Variants in TMC7 observed in about 807,000 individuals in gnomAD.
The protein encoded by TMC7 is transmembrane channel-like protein 7.
In TMC7, 54 loss-of-function variants were observed where a neutral mutation model predicts 82.9. That is an observed-to-expected ratio of 0.65 (90% confidence interval 0.52 to 0.82). TMC7 has a LOEUF of 0.82. Among genes scored for constraint, TMC7 ranks in the 40% least tolerant of loss-of-function variants. TMC7 has a pLI of 0.00. For missense variants in TMC7, 820 were observed against 901.2 expected (o/e 0.91, Z 1.15); for synonymous variants, 350 against 337.9 (o/e 1.04, Z -0.39).
At chr16:19,002,738 T>C (rs1444139495) in intron 1 of TMC7, among the ~76,000 whole-genome samples, 1 of 152,168 alleles carries the variant, frequency 6.6e-6, no homozygotes, top group African/African-American at 2.4e-5. Context: ...ACCAAGAAGT[T>C]CTAGGCATTC....
intron 9 of TMC7, among the ~76,000 whole-genome samples, chr16:19,042,376 C>T (rs554591764): frequency 1.3e-5 from 2 of 151,926 alleles, no homozygotes; most frequent in Non-Finnish European, 2.9e-5. Context: ...GATCTCCTCA[C>T]GTTGCCCAGG....
At chr16:18,988,916 G>A (rs1027169241) in intron 1 of TMC7, among the ~76,000 whole-genome samples, 3 of 152,090 alleles carry the variant, frequency 2.0e-5, no homozygotes, top group South Asian at 2.1e-4. Flanking sequence ...TGAGTGTGGT[G>A]GCACATGCCT....
At chr16:19,007,768 A>T (rs2142166526) in intron 1 of TMC7, among the ~76,000 whole-genome samples, 1 of 150,996 alleles carries the variant, frequency 6.6e-6, no homozygotes, top group East Asian at 1.9e-4. Context: ...CTGTCCCCTG[A>T]CACCACTCTG....
rs766624691 is a variant in TMC7 at position 19,047,194 on chromosome 16, C to T, written c.1685C>T (p.Pro562Leu). 6.2e-7 allele frequency: 1 copy of T among 1,613,856 alleles called. No individual in the cohort carries two copies. Among genetic ancestry groups the T allele is most frequent in the East Asian group, 2.2e-5 (1 of 44,838 alleles). The stretch of plus-strand genomic sequence containing the variant: ...TGCTGGATCGGAGCCTTTTTCTCAC[C>T]CCTTCTCCCTGCAATTGCAACCCTG... The part of the protein sequence containing the change: ...TICWIGAFFS[P>L]LLPAIATLKF... The change falls in exon 12 of 16, where the codon CCC becomes CTC. Residue 562 changes from proline (P) to leucine (L), a missense_variant. Pro to Leu is a moderately conservative substitution (Grantham distance 98). Transcript: ENST00000304381.
chr16:19,029,160 C>A (rs958037592), intron 5 of TMC7, among the ~76,000 whole-genome samples: 1 of 151,628 alleles, frequency 6.6e-6, no homozygotes, highest in East Asian at 2.0e-4. Context: ...CGCCCGCCAC[C>A]ACACCCGGCT....
chr16:18,991,101 G>C (rs1377375109), intron 1 of TMC7, among the ~76,000 whole-genome samples: 2 of 152,138 alleles, frequency 1.3e-5, no homozygotes, highest in Admixed American at 1.3e-4. Context: ...GGGCTGCTTC[G>C]AGCGGGACTA....
chr16:18,992,884 G>T (rs2142123654), intron 1 of TMC7, among the ~76,000 whole-genome samples: 2 of 152,252 alleles, frequency 1.3e-5, no homozygotes, highest in East Asian at 3.9e-4. Context: ...TTATTGTTAG[G>T]TTTGTCAAAG....
intron 5 of TMC7, among the ~76,000 whole-genome samples, chr16:19,023,852 A>T (rs747530171): frequency 1.8e-4 from 28 of 152,244 alleles, no homozygotes; most frequent in Non-Finnish European, 3.2e-4. Flanking sequence ...AATTTCTCTG[A>T]CACCGATAAA....
At chr16:18,986,871 C>T (rs1447386536) in intron 1 of TMC7, among the ~76,000 whole-genome samples, 2 of 151,858 alleles carry the variant, frequency 1.3e-5, no homozygotes, top group Non-Finnish European at 2.9e-5. Flanking sequence ...GTGGCGCGAT[C>T]TCGGCTCACT....
chr16:18,990,021 T>C (rs937793173), intron 1 of TMC7, among the ~76,000 whole-genome samples: 3 of 151,788 alleles, frequency 2.0e-5, no homozygotes, highest in Non-Finnish European at 4.4e-5. Context: ...CATTAGTTCT[T>C]ATAGGTTTTG....
At chr16:19,017,234 T>A (rs1959737431) in intron 3 of TMC7, among the ~76,000 whole-genome samples, 2 of 151,950 alleles carry the variant, frequency 1.3e-5, no homozygotes, top group African/African-American at 2.4e-5. Context: ...GGTTATTCTA[T>A]CACACATATT....
chr16:18,988,144 T>A (rs1596709318), intron 1 of TMC7, among the ~76,000 whole-genome samples: 2 of 149,308 alleles, frequency 1.3e-5, no homozygotes, highest in Admixed American at 1.3e-4. Flanking sequence ...AATTTTCTTT[T>A]CTTCTCTCTT....
At chr16:19,018,109 G>T (rs938466211) in intron 3 of TMC7, among the ~76,000 whole-genome samples, 1 of 152,192 alleles carries the variant, frequency 6.6e-6, no homozygotes, top group Non-Finnish European at 1.5e-5. Context: ...TTGCACTCCA[G>T]CCTGGGTAAC....
Position 19,045,335 on chromosome 16 carries a change from T to C in TMC7, c.1456-6T>C. ...TTTCAGTTTCCCTCACTCTCTTTGA[T>C]TTCAGTGCTGGGAGACCCAAGTTGG... On this transcript the variant is annotated splice_region_variant and splice_polypyrimidine_tract_variant and intron_variant, in intron 10 of 15. Coordinates refer to ENST00000304381, the MANE Select transcript of TMC7 (RefSeq NM_024847.4). 1 of 1,612,384 alleles carries C rather than the reference T, an allele frequency of 6.2e-7. No homozygotes were observed. Among genetic ancestry groups the C allele is most frequent in the Non-Finnish European group, 8.5e-7 (1 of 1,178,390 alleles).
intron 15 of TMC7, among the ~76,000 whole-genome samples, chr16:19,061,145 A>T (rs1244828202): frequency 6.6e-6 from 1 of 152,132 alleles, no homozygotes; most frequent in Non-Finnish European, 1.5e-5. Context: ...ATGGGATTAC[A>T]GGCACCTGCC....
In TMC7 at chr16:19,012,788, CAAAAAAAAAAAAA is replaced by C. The variant is rs139163132; in HGVS notation, c.311+3391_311+3403del. 3.2e-4 allele frequency among the ~76,000 whole-genome samples: 21 copies of C among 66,636 alleles called. 1 individual carries two copies. The East Asian group carries it at 6.3e-3, about 20-fold the overall frequency. 43.7% of individuals were successfully genotyped at this position (66,636 alleles called of 152,430 possible). ...TGGGCGACAGAGTGAGATTCCATCT[CAAAAAAAAAAAAA>C]AAAAAAAAAAAAAAAAAGAAAGTGG... On this transcript the variant is annotated intron_variant, in intron 2 of 15. Transcript: ENST00000304381.
chr16:19,059,558 G>A, intron 15 of TMC7, 64 bp downstream of exon 15: 1 of 1,613,948 alleles, frequency 6.2e-7, no homozygotes, highest in Non-Finnish European at 8.5e-7. Context: ...TGCAAGGAAA[G>A]TGCTGTTTTC....
intron 2 of TMC7, among the ~76,000 whole-genome samples, chr16:19,010,918 T>G (rs1487156993): frequency 6.6e-6 from 1 of 152,074 alleles, no homozygotes; most frequent in African/African-American, 2.4e-5. Context: ...CTGCAGAACC[T>G]CTTGGGACTA....
intron 4 of TMC7, 106 bp from the exon 5 acceptor site, chr16:19,023,007 G>A: frequency 3.3e-6 from 2 of 611,674 alleles, no homozygotes; most frequent in East Asian, 3.1e-5. Flanking sequence ...ATGACAGAGC[G>A]AGACTCCATC....
Sources: gnomAD v4.1 joint callset for allele counts (sites outside exome capture counted in the v4.1 genomes callset) on GRCh38, gnomAD v4.1.1 for gene constraint, MANE v1.5 for transcripts, NCBI Gene and HGNC (gene_info 2026-07-23, HGNC 2026-07-21) for gene names.